RNF150: variants seen among roughly 807,000 people sequenced by gnomAD.
RNF150 encodes ring finger protein 150.
RNF150 carries 24 observed loss-of-function variants against 39.3 expected under a neutral mutation model. That is an observed-to-expected ratio of 0.61 (90% CI 0.44 to 0.86). RNF150 has a LOEUF of 0.86. RNF150 is among the 40% of genes least tolerant of loss of function. The pLI is 0.00. For missense variants in RNF150, 502 were observed against 587.8 expected (o/e 0.85, Z 1.51); for synonymous variants, 255 against 227.3 (o/e 1.12, Z -1.10).
chr4:140,865,079 T>TAAC lies in RNF150; in HGVS notation c.*3181_*3182insGTT, dbSNP rs1728647598. 6.6e-6 allele frequency: 1 copy of TAAC among 151,910 alleles called. No individual in the cohort carries two copies. The highest frequency in any genetic ancestry group is 1.5e-5 in the Non-Finnish European group (1 of 67,986). 9.4% of individuals were successfully genotyped at this position (151,910 alleles called of 1,614,324 possible). On this transcript the variant is annotated 3_prime_UTR_variant, in exon 7 of 7. Transcript: ENST00000515673. Reference sequence around the variant, plus strand: ...GGAACTCTAGACCTGCATTGTCCAATTGGCAGCCACTAGCCACATGTGACT... The same window carrying TAAC: ...GGAACTCTAGACCTGCATTGTCCAATAACTGGCAGCCACTAGCCACATGTGACT...
At chr4:140,873,944 G>A (rs1261316136) in intron 6 of RNF150, among the ~76,000 whole-genome samples, 1 of 152,124 alleles carries the variant, frequency 6.6e-6, no homozygotes, top group Non-Finnish European at 1.5e-5. Flanking sequence ...GGGATTACAG[G>A]CATGAGCCAC....
At chr4:141,184,058 T>G (rs115020311) in intron 1 of RNF150, among the ~76,000 whole-genome samples, 4,940 of 152,288 alleles carry the variant, frequency 0.032, 140 homozygotes, top group South Asian at 0.14. Context: ...GTATTTCTGA[T>G]TCTAGGTCCT....
intron 1 of RNF150, among the ~76,000 whole-genome samples, chr4:141,080,660 G>A (rs1738115539): frequency 6.6e-6 from 1 of 152,150 alleles, no homozygotes; most frequent in Admixed American, 6.5e-5. Context: ...AGCCTATGAG[G>A]ATATTAATTA....
At chr4:140,921,762 T>C (rs892819683) in intron 5 of RNF150, among the ~76,000 whole-genome samples, 2 of 152,170 alleles carry the variant, frequency 1.3e-5, no homozygotes, top group African/African-American at 2.4e-5. Context: ...TCAAAAAGCT[T>C]ATCCACTAAG....
intron 1 of RNF150, among the ~76,000 whole-genome samples, chr4:141,127,935 C>A (rs530494492): frequency 2.6e-5 from 4 of 152,308 alleles, no homozygotes; most frequent in Non-Finnish European, 5.9e-5. Flanking sequence ...CATACATGCC[C>A]TTGCTACGAT....
intron 5 of RNF150, among the ~76,000 whole-genome samples, chr4:140,921,719 A>G (rs1051406459): frequency 2.0e-5 from 3 of 152,240 alleles, no homozygotes; most frequent in African/African-American, 4.8e-5. Flanking sequence ...AAAAACCTCA[A>G]TAAAATACTG....
chr4:141,078,789 CAAAAAA>C (rs150748282), intron 1 of RNF150, among the ~76,000 whole-genome samples: 2 of 63,862 alleles, frequency 3.1e-5, no homozygotes, highest in South Asian at 7.3e-4. Flanking sequence ...AACTCCGTCT[CAAAAAA>C]AAAAAAAAAA....
intron 1 of RNF150, among the ~76,000 whole-genome samples, chr4:141,072,534 T>C (rs927559554): frequency 6.6e-6 from 1 of 152,226 alleles, no homozygotes; most frequent in African/African-American, 2.4e-5. Flanking sequence ...AGGTTGCTGT[T>C]ATGGAACATT....
intron 1 of RNF150, among the ~76,000 whole-genome samples, chr4:140,991,799 A>G (rs1734205306): frequency 6.6e-6 from 1 of 152,240 alleles, no homozygotes; most frequent in South Asian, 2.1e-4. Context: ...ACATTTAGAG[A>G]GCAGAGAAAA....
At chr4:141,093,082 G>C (rs1475952194) in intron 1 of RNF150, among the ~76,000 whole-genome samples, 7 of 152,044 alleles carry the variant, frequency 4.6e-5, no homozygotes, top group Non-Finnish European at 7.4e-5. Context: ...AAAGGGAACT[G>C]GTGGCTGGGC....
At chr4:140,892,075 G>A (rs886887592) in intron 6 of RNF150, among the ~76,000 whole-genome samples, 1 of 152,116 alleles carries the variant, frequency 6.6e-6, no homozygotes, top group Admixed American at 6.6e-5. Context: ...ATTACTTATA[G>A]CACCTAATAT....
intron 1 of RNF150, among the ~76,000 whole-genome samples, chr4:141,177,504 A>T (rs1443759732): frequency 6.6e-6 from 1 of 151,342 alleles, no homozygotes; most frequent in Non-Finnish European, 1.5e-5. Context: ...CTCTCCCTCA[A>T]TGTAGCCTGC....
At position 141,012,569 on chromosome 4, in the gene RNF150, C is replaced by T. The variant is rs192269802; in HGVS notation, c.485-44696G>A. 4.9e-4 allele frequency among the ~76,000 whole-genome samples: 75 copies of T among 151,916 alleles called. 1 individual carries two copies. The East Asian group carries it at 7.2e-3, about 15-fold the overall frequency. On this transcript the variant is annotated intron_variant, in intron 1 of 6. Transcript: ENST00000515673. ...TCCCTTTGGAAGGGATTTTGGTGCA[C>T]TTTGGGAGGCTGAGGCAGGCAGATC...
chr4:140,933,826 G>C (rs1322148999), intron 4 of RNF150, among the ~76,000 whole-genome samples: 2 of 152,086 alleles, frequency 1.3e-5, no homozygotes, highest in Non-Finnish European at 2.9e-5. Flanking sequence ...TGATGGGGAT[G>C]ATCTAGTCAT....
chr4:140,878,401 T>C (rs190990490), intron 6 of RNF150, among the ~76,000 whole-genome samples: 44 of 152,154 alleles, frequency 2.9e-4, no homozygotes, highest in African/African-American at 1.0e-3. Flanking sequence ...AACCTCCTGG[T>C]CTCAAGTTGA....
intron 1 of RNF150, among the ~76,000 whole-genome samples, chr4:141,111,288 T>C (rs1041807648): frequency 6.6e-6 from 1 of 152,200 alleles, no homozygotes; most frequent in African/African-American, 2.4e-5. Flanking sequence ...TGTTTTTCAT[T>C]GGCAAAATAA....
At chr4:141,012,692 A>C (rs1336248610) in intron 1 of RNF150, among the ~76,000 whole-genome samples, 1 of 140,622 alleles carries the variant, frequency 7.1e-6, no homozygotes, top group Non-Finnish European at 1.5e-5. Context: ...CTGAGGCAGG[A>C]GAATCGCTTG....
chr4:140,984,725 T>C (rs1034215963), intron 1 of RNF150, among the ~76,000 whole-genome samples: 1 of 152,090 alleles, frequency 6.6e-6, no homozygotes, highest in Non-Finnish European at 1.5e-5. Context: ...TCACTTGGTG[T>C]GGGCCAAGGG....
At chr4:141,003,056 T>A (rs1436360376) in intron 1 of RNF150, among the ~76,000 whole-genome samples, 7 of 152,178 alleles carry the variant, frequency 4.6e-5, no homozygotes, top group Non-Finnish European at 7.3e-5. Context: ...AAAGTGATTG[T>A]AATTAATTTA....
Sources: allele counts gnomAD v4.1 joint callset (sites outside exome capture counted in the v4.1 genomes callset), GRCh38; gene constraint gnomAD v4.1.1; transcripts MANE v1.5; gene names NCBI Gene and HGNC (gene_info 2026-07-23, HGNC 2026-07-21).